The following APC variants were observed in gnomAD, a reference collection of about 807,000 sequenced individuals.
The protein encoded by APC is adenomatous polyposis coli protein.
In APC, 72 loss-of-function variants were observed where a neutral mutation model predicts 247.0. That is an observed-to-expected ratio of 0.29 (90% CI 0.24 to 0.35). The LOEUF (loss-of-function observed/expected upper bound fraction) is 0.35. Ranked by LOEUF, APC falls within the 10% of genes least tolerant of loss-of-function variation. APC has a pLI of 1.00. For synonymous variants in APC, 1,254 were observed against 1,162.5 expected (o/e 1.08, Z -1.60); for missense variants, 3,400 against 3,360.7 (o/e 1.01, Z -0.29).
chr5:112,800,526 G>C (rs1284883234), intron 7 of APC, among the ~76,000 whole-genome samples: 2 of 152,000 alleles, frequency 1.3e-5, no homozygotes, highest in Admixed American at 1.3e-4. Context: ...TCCACTGTTA[G>C]GTCAGATTTT....
At position 112,767,403 on chromosome 5, in the gene APC, C is replaced by G. The variant is rs2149790196; in HGVS notation, c.422+13C>G. 6.3e-7 allele frequency: 1 copy of G among 1,597,566 alleles called. No homozygotes were observed. The highest frequency in any genetic ancestry group is 1.1e-5 in the South Asian group (1 of 90,672). On this transcript the variant is annotated intron_variant, in intron 4 of 15. Coordinates refer to ENST00000257430, the MANE Select transcript of APC (RefSeq NM_000038.6). ...TTGAGAAAGAGAGGTAACTTTTCTTCATATAGTAAACATTGCCTTGTGTAC... is the reference window on the plus strand; with the variant it reads ...TTGAGAAAGAGAGGTAACTTTTCTTGATATAGTAAACATTGCCTTGTGTAC...
At position 112,780,800 on chromosome 5, in the gene APC, A is replaced by C; in HGVS notation, c.542A>C (p.Gln181Pro). Residue 181 changes from glutamine to proline, a missense_variant, in exon 6 of 16, where the codon CAA becomes CCA. Transcript: ENST00000257430. Reference protein sequence around the residue: ...SLPLTENFSLQTDMTRRQLEY... With the variant: ...SLPLTENFSLPTDMTRRQLEY... ...TATTTGTGGTTTTAGTTTTCCTTAC[A>C]AACAGATATGACCAGAAGGCAATTG... The C allele has an allele frequency of 6.2e-7, 1 of 1,610,766 alleles. No individual in the cohort carries two copies. Among genetic ancestry groups the C allele is most frequent in the Non-Finnish European group, 8.5e-7 (1 of 1,177,300 alleles).
intron 1 of APC, among the ~76,000 whole-genome samples, chr5:112,728,452 C>G (rs1194232892): frequency 6.6e-6 from 1 of 152,092 alleles, no homozygotes; most frequent in Non-Finnish European, 1.5e-5. Flanking sequence ...ATATGTGGCT[C>G]AAGACAATTC....
chr5:112,763,523 A>G (rs1263499430), intron 2 of APC, among the ~76,000 whole-genome samples: 1 of 151,886 alleles, frequency 6.6e-6, no homozygotes, highest in Non-Finnish European at 1.5e-5. Flanking sequence ...TTTTTTTAGT[A>G]TTTTAAGTTT....
At chr5:112,811,336 A>G (rs1327401565) in intron 8 of APC, among the ~76,000 whole-genome samples, 5 of 152,196 alleles carry the variant, frequency 3.3e-5, no homozygotes, top group Admixed American at 2.6e-4. Flanking sequence ...ACTCAAGTTT[A>G]TTCAGAATTT....
intron 7 of APC, among the ~76,000 whole-genome samples, chr5:112,797,312 A>G (rs1389377616): frequency 6.6e-6 from 1 of 152,162 alleles, no homozygotes; most frequent in East Asian, 1.9e-4. Context: ...TATTCTTCTA[A>G]TGTAAGTTAG....
At position 112,754,823 on chromosome 5, in the gene APC, G is replaced by A. The variant is rs1754770166; in HGVS notation, c.-18-50G>A. On this transcript the variant is annotated intron_variant, in intron 1 of 15. Transcript: ENST00000257430. ...TTACCCCTTTCTTTAAAAACAAGCA[G>A]CCACTAAATTTTTTAGTAGTGAATT... 3 of 1,572,428 alleles carry A rather than the reference G, an allele frequency of 1.9e-6. No individual in the cohort carries two copies. In the South Asian group the frequency reaches 3.4e-5, roughly 18 times the overall value.
intron 1 of APC, among the ~76,000 whole-genome samples, chr5:112,739,833 A>C (rs1274455448): frequency 6.6e-6 from 1 of 152,234 alleles, no homozygotes; most frequent in Non-Finnish European, 1.5e-5. Flanking sequence ...CCATTAGCAT[A>C]GTGTTTGAGA....
At chr5:112,777,660 G>T in intron 5 of APC, 1 of 205,964 alleles carries the variant, frequency 4.9e-6, no homozygotes, top group South Asian at 1.1e-4. Context: ...TCATCTTCTG[G>T]ACAAGAATGC....
intron 1 of APC, among the ~76,000 whole-genome samples, chr5:112,724,975 G>T (rs957391278): frequency 6.6e-6 from 1 of 152,026 alleles, no homozygotes; most frequent in African/African-American, 2.4e-5. Context: ...GCAATTAACA[G>T]ATTTTTATTT....
chr5:112,759,907 T>C (rs1303060103), intron 2 of APC, among the ~76,000 whole-genome samples: 1 of 152,230 alleles, frequency 6.6e-6, no homozygotes, highest in East Asian at 1.9e-4. Flanking sequence ...CAAGGGCCTC[T>C]TCTAGGTTGT....
intron 12 of APC, among the ~76,000 whole-genome samples, chr5:112,827,488 C>A (rs1763823393): frequency 6.6e-6 from 1 of 152,068 alleles, no homozygotes; most frequent in South Asian, 2.1e-4. Context: ...TTAAAAACAC[C>A]ATTCATAAGA....
chr5:112,792,867 A>G lies in APC; in HGVS notation c.729+338A>G, dbSNP rs113527584. On this transcript the variant is annotated intron_variant, in intron 7 of 15. Transcript: ENST00000257430. ...TAGTAAGAATTGATAATACACATTT[A>G]CCTGTGTTTACTCCAGAAACCCCAT... is the stretch of plus-strand genomic sequence containing the variant. Among the ~76,000 whole-genome samples the G allele has an allele frequency of 7.8e-3, 1,193 of 152,270 alleles. 13 individuals are homozygous for G. Among genetic ancestry groups the G allele is most frequent in the African/African-American group, 0.027 (1,109 of 41,536 alleles).
chr5:112,766,252 A>G, intron 2 of APC, 74 bp from the exon 3 acceptor site: 1 of 1,100,588 alleles, frequency 9.1e-7, no homozygotes, highest in East Asian at 2.4e-5. Context: ...GCATACTTAA[A>G]TGTCAAGAAA....
rs753325428 is a variant in APC, at chr5:112,839,103, A to C, written c.3509A>C (p.Lys1170Thr). The C allele has an allele frequency of 6.2e-7, 1 of 1,614,148 alleles. No homozygotes were observed. Among genetic ancestry groups the C allele is most frequent in the Admixed American group, 1.7e-5 (1 of 60,024 alleles). ...TATAGCATAAAATATAATGAAGAGA[A>C]ACGTCATGTGGATCAGCCTATTGAT... is the stretch of plus-strand genomic sequence containing the variant. ...TNYSIKYNEE[K>T]RHVDQPIDYS... The change falls in exon 16 of 16, where the codon AAA becomes ACA. Residue 1170 changes from lysine (K) to threonine (T), a missense_variant. Lys to Thr is a moderately conservative substitution (Grantham distance 78). This residue lies in a region of APC where 715 missense variants were observed against 656.6 expected (regional missense o/e 1.09). Coordinates refer to ENST00000257430, the MANE Select transcript of APC (RefSeq NM_000038.6). The surrounding 1 kb of genome is among the most constrained non-coding windows in gnomAD (Gnocchi z 5.0).
intron 8 of APC, among the ~76,000 whole-genome samples, chr5:112,807,589 C>A (rs1196283547): frequency 6.7e-6 from 1 of 149,962 alleles, no homozygotes; most frequent in Non-Finnish European, 1.5e-5. Context: ...AGAACCAGGT[C>A]TCTGGTAATA....
chr5:112,716,925 C>G (rs961046318), intron 1 of APC, among the ~76,000 whole-genome samples: 7 of 152,164 alleles, frequency 4.6e-5, no homozygotes, highest in Non-Finnish European at 1.0e-4. Flanking sequence ...TAATGTTAAT[C>G]AATACCTTTA....
In APC at chr5:112,843,456, C is replaced by G. The variant is rs72541816; in HGVS notation, c.7862C>G (p.Ser2621Cys). ...AGAAAAATAAAAGAAAATGAATTTT[C>G]TCCCACAAATAGTACTTCTCAGACC... ...TWRKIKENEF[S>C]PTNSTSQTVS... Residue 2621 changes from serine to cysteine, a missense_variant, in exon 16 of 16, where the codon TCT becomes TGT. By Grantham distance (112) the Ser-to-Cys change is moderately radical. Coordinates refer to ENST00000257430, the MANE Select transcript of APC (RefSeq NM_000038.6). This position sits in a 1 kb window ranked among gnomAD's most constrained non-coding sequence, Gnocchi z 4.8. 7,476 of 1,613,800 alleles carry G rather than the reference C, an allele frequency of 4.6e-3. 25 individuals are homozygous for G. The highest frequency in any genetic ancestry group is 5.7e-3 in the Non-Finnish European group (6,731 of 1,179,774).
Position 112,750,353 on chromosome 5 carries a change from C to T in APC, c.-18-4520C>T, listed in dbSNP as rs111700518. Among the ~76,000 whole-genome samples, 837 of 152,154 alleles carry T rather than the reference C, an allele frequency of 5.5e-3. 12 individuals carry two copies. The highest frequency in any genetic ancestry group is 0.019 in the African/African-American group (793 of 41,498). On this transcript the variant is annotated intron_variant, in intron 1 of 15. Coordinates refer to ENST00000257430, the MANE Select transcript of APC (RefSeq NM_000038.6). ...CATACCTTGATTCTATAAGCAGTGACTGTATTTTTGTATGTTCTTTAAGTG... is the reference window on the plus strand; with the variant it reads ...CATACCTTGATTCTATAAGCAGTGATTGTATTTTTGTATGTTCTTTAAGTG...
Sources: allele counts gnomAD v4.1 joint callset (sites outside exome capture counted in the v4.1 genomes callset), GRCh38; gene constraint gnomAD v4.1.1; regional missense constraint gnomAD v4.1.1; non-coding constraint Gnocchi (gnomAD v3.1); transcripts MANE v1.5; gene names NCBI Gene and HGNC (gene_info 2026-07-23, HGNC 2026-07-21).